Variants in FAM13A observed in about 807,000 individuals in gnomAD.
FAM13A encodes the protein family with sequence similarity 13 member A, also known as protein FAM13A.
A neutral mutation model predicts 129.6 loss-of-function variants in FAM13A; 76 were observed. The ratio of observed to expected loss-of-function variants is 0.59; its 90% CI spans 0.49 to 0.71. FAM13A has a LOEUF of 0.71. FAM13A is among the 30% of genes least tolerant of loss of function. The pLI, the probability that FAM13A is intolerant of heterozygous loss-of-function variation, is 0.00. For missense variants in FAM13A, 1,108 were observed against 1,249.3 expected (o/e 0.89, Z 1.70); for synonymous variants, 443 against 449.9 (o/e 0.98, Z 0.20).
intron 5 of FAM13A, chr4:88,936,535 C>A (rs567933578): frequency 6.6e-6 from 1 of 152,222 alleles, no homozygotes; most frequent in African/African-American, 2.4e-5. Flanking sequence ...ACGAAGGATC[C>A]GCCCTCATGA....
intron 6 of FAM13A, among the ~76,000 whole-genome samples, chr4:88,891,357 C>T (rs1745281821): frequency 6.6e-6 from 1 of 152,116 alleles, no homozygotes; most frequent in South Asian, 2.1e-4. Flanking sequence ...GAGATTGAGG[C>T]TGCAGTGAGC....
chr4:88,920,930 C>A (rs1358249052), intron 5 of FAM13A, among the ~76,000 whole-genome samples: 1 of 151,976 alleles, frequency 6.6e-6, no homozygotes, highest in African/African-American at 2.4e-5. Flanking sequence ...CCGATGTGAT[C>A]AACTGGAAGA....
At chr4:89,035,717 C>T (rs755580241) in intron 1 of FAM13A, among the ~76,000 whole-genome samples, 7 of 152,070 alleles carry the variant, frequency 4.6e-5, no homozygotes, top group African/African-American at 9.7e-5. Context: ...CTCACAAGAT[C>T]GGGTTGTTTA....
At chr4:88,953,220 C>T (rs147089648) in intron 4 of FAM13A, among the ~76,000 whole-genome samples, 10,890 of 152,052 alleles carry the variant, frequency 0.072, 426 homozygotes, top group Non-Finnish European at 0.094. Flanking sequence ...TTTGGGAAAC[C>T]GAGGCGGGCA....
At chr4:89,020,972 T>A (rs891854249) in intron 2 of FAM13A, among the ~76,000 whole-genome samples, 1 of 152,178 alleles carries the variant, frequency 6.6e-6, no homozygotes, top group South Asian at 2.1e-4. Context: ...ATTTATATAA[T>A]CTTCTAGAGC....
At chr4:89,023,361 C>T (rs1047438359) in intron 2 of FAM13A, among the ~76,000 whole-genome samples, 16 of 151,950 alleles carry the variant, frequency 1.1e-4, no homozygotes, top group African/African-American at 3.9e-4. Context: ...ATTTACCCAG[C>T]TGCTTAACCT....
chr4:89,052,891 G>C (rs1771789168), intron 1 of FAM13A, among the ~76,000 whole-genome samples: 1 of 152,032 alleles, frequency 6.6e-6, no homozygotes, highest in Non-Finnish European at 1.5e-5. Flanking sequence ...AAACCAAGGG[G>C]GAGGAAACTG....
At chr4:88,892,988 A>G (rs890137796) in intron 6 of FAM13A, among the ~76,000 whole-genome samples, 33 of 152,242 alleles carry the variant, frequency 2.2e-4, no homozygotes, top group African/African-American at 7.5e-4. Flanking sequence ...CATACAACTG[A>G]TAACAGCTAA....
chr4:88,859,298 G>C (rs915382190), intron 6 of FAM13A, among the ~76,000 whole-genome samples: 2 of 152,182 alleles, frequency 1.3e-5, no homozygotes, highest in Admixed American at 1.3e-4. Flanking sequence ...ACCCAGGAGA[G>C]GGAGGAGGAA....
intron 1 of FAM13A, among the ~76,000 whole-genome samples, chr4:89,053,188 C>T (rs1294863366): frequency 6.6e-6 from 1 of 152,196 alleles, no homozygotes; most frequent in Non-Finnish European, 1.5e-5. Context: ...AACAAAAAAT[C>T]ATGTTTCCTC....
intron 4 of FAM13A, among the ~76,000 whole-genome samples, chr4:88,964,919 C>T (rs528780461): frequency 3.3e-5 from 5 of 152,094 alleles, no homozygotes; most frequent in Non-Finnish European, 4.4e-5. Context: ...TGAGATACCG[C>T]GCCCGGCCCA....
intron 8 of FAM13A, among the ~76,000 whole-genome samples, chr4:88,802,709 C>T (rs1727734408): frequency 6.6e-6 from 1 of 152,186 alleles, no homozygotes; most frequent in African/African-American, 2.4e-5. Flanking sequence ...CCCCTAGCCA[C>T]AGCAAGGTCC....
chr4:88,919,326 T>C (rs1356190887), intron 5 of FAM13A, among the ~76,000 whole-genome samples: 2 of 152,158 alleles, frequency 1.3e-5, no homozygotes, highest in Non-Finnish European at 2.9e-5. Flanking sequence ...CCTGGTAAAT[T>C]AGGTAGTTGG....
At chr4:88,970,110 A>G (rs1199259367) in intron 4 of FAM13A, among the ~76,000 whole-genome samples, 1 of 152,254 alleles carries the variant, frequency 6.6e-6, no homozygotes, top group Non-Finnish European at 1.5e-5. Context: ...GAGGATTATG[A>G]AAAGCTTATT....
intron 1 of FAM13A, among the ~76,000 whole-genome samples, chr4:89,055,987 C>G (rs1217096700): frequency 6.6e-6 from 1 of 152,164 alleles, no homozygotes; most frequent in Non-Finnish European, 1.5e-5. Context: ...TCAGAAGCTA[C>G]AGCAAATTGC....
chr4:89,044,980 A>G (rs1464208086), intron 1 of FAM13A, among the ~76,000 whole-genome samples: 3 of 152,188 alleles, frequency 2.0e-5, no homozygotes, highest in African/African-American at 7.2e-5. Flanking sequence ...GGTGATAAAA[A>G]GTTCTTGAAA....
At chr4:88,809,986 C>T (rs944300908) in intron 7 of FAM13A, among the ~76,000 whole-genome samples, 19 of 151,780 alleles carry the variant, frequency 1.3e-4, no homozygotes, top group African/African-American at 4.6e-4. Context: ...TAAACCCAGG[C>T]AGCTTTGTTT....
intron 6 of FAM13A, among the ~76,000 whole-genome samples, chr4:88,868,979 G>A (rs1289432826): frequency 6.6e-6 from 1 of 152,172 alleles, no homozygotes; most frequent in African/African-American, 2.4e-5. Context: ...TCTTCAATCA[G>A]CATCTTCATT....
At position 89,021,792 on chromosome 4, in the gene FAM13A, G is replaced by A. The variant is rs78755359; in HGVS notation, c.218-1123C>T. Among the ~76,000 whole-genome samples the A allele has an allele frequency of 6.6e-3, 1,010 of 152,176 alleles. 13 individuals are homozygous for A. The highest frequency in any genetic ancestry group is 0.023 in the African/African-American group (960 of 41,494). On this transcript the variant is annotated intron_variant, in intron 2 of 23. Coordinates refer to ENST00000264344, the MANE Select transcript of FAM13A (RefSeq NM_014883.4). ...AAAGAAGTGAAAAACAAAGAATAAA[G>A]ATGATTTGGTAACTTGGTTCAAAAG...
Sources: allele counts gnomAD v4.1 joint callset (sites outside exome capture counted in the v4.1 genomes callset), GRCh38; gene constraint gnomAD v4.1.1; transcripts MANE v1.5; gene names NCBI Gene and HGNC (gene_info 2026-07-23, HGNC 2026-07-21).